The following DNAJC17 variants were observed in gnomAD, a reference collection of about 807,000 sequenced individuals.
The protein encoded by DNAJC17 is DnaJ heat shock protein family (Hsp40) member C17, also known as dnaJ homolog subfamily C member 17.
DNAJC17 carries 35 observed loss-of-function variants against 48.1 expected under a neutral mutation model. That is an observed-to-expected ratio of 0.73 (90% CI 0.56 to 0.96). DNAJC17 has a LOEUF of 0.96. Ranked by LOEUF, DNAJC17 falls within the 50% of genes least tolerant of loss-of-function variation. The pLI is 0.00. For synonymous variants in DNAJC17, 117 were observed against 142.7 expected (o/e 0.82, Z 1.28); for missense variants, 355 against 377.1 (o/e 0.94, Z 0.48).
intron 1 of DNAJC17, among the ~76,000 whole-genome samples, chr15:40,803,980 CTTTTT>C (rs1566832446): frequency 9.3e-6 from 1 of 107,548 alleles, no homozygotes; most frequent in Non-Finnish European, 1.9e-5. Flanking sequence ...ATTTTCTTTT[CTTTTT>C]TAAGAGTGGC....
chr15:40,799,677 C>T (rs1469320383), intron 1 of DNAJC17, among the ~76,000 whole-genome samples: 4 of 152,014 alleles, frequency 2.6e-5, no homozygotes, highest in Admixed American at 2.0e-4. Context: ...GATCATATTA[C>T]TTCTATATTT....
intron 8 of DNAJC17, among the ~76,000 whole-genome samples, 175 bp from the exon 9 acceptor site, chr15:40,774,611 A>AT (rs1280758583): frequency 2.0e-5 from 3 of 152,234 alleles, no homozygotes; most frequent in Admixed American, 1.3e-4. Flanking sequence ...AAAGAAAGAA[A>AT]TTTTTTTCTA....
Position 40,767,761 on chromosome 15 carries a change from G to T in DNAJC17, c.*179C>A, listed in dbSNP as rs1888984984. The stretch of plus-strand genomic sequence containing the variant: ...GACTCTGGGACTCTCACCCTGCGGA[G>T]CGTTTCCCTGGGGGTCTGCCCACTT... On this transcript the variant is annotated 3_prime_UTR_variant, in exon 11 of 11. Transcript: ENST00000220496. 2 of 842,316 alleles carry T rather than the reference G, an allele frequency of 2.4e-6. No individual in the cohort carries two copies. The highest frequency in any genetic ancestry group is 3.5e-6 in the Non-Finnish European group (2 of 564,396). 52.2% of individuals were successfully genotyped at this position (842,316 alleles called of 1,614,324 possible). A position where few individuals can be genotyped will look rare whatever the true frequency, so the allele number is the denominator to read the frequency against.
chr15:40,801,403 T>A (rs1044436613), intron 1 of DNAJC17, among the ~76,000 whole-genome samples: 2 of 152,180 alleles, frequency 1.3e-5, no homozygotes, highest in Non-Finnish European at 2.9e-5. Context: ...GCAACCCAGA[T>A]TAGCAGAAGG....
chr15:40,767,464 G>C lies in DNAJC17; in HGVS notation c.*476C>G. Reference sequence around the variant, plus strand: ...GCTCCTCTCTTCCCAAATCATCACCGCCATGGGCCCAGCCCCAAAGGGCAG... The same window carrying C: ...GCTCCTCTCTTCCCAAATCATCACCCCCATGGGCCCAGCCCCAAAGGGCAG... On this transcript the variant is annotated 3_prime_UTR_variant, in exon 11 of 11. Coordinates refer to ENST00000220496, the MANE Select transcript of DNAJC17 (RefSeq NM_018163.3). 1 of 1,223,522 alleles carries C rather than the reference G, an allele frequency of 8.2e-7. No individual in the cohort carries two copies. Among genetic ancestry groups the C allele is most frequent in the Non-Finnish European group, 1.1e-6 (1 of 897,412 alleles). The allele number at this position is 1,223,522 out of a possible 1,614,324, so 75.8% of individuals were successfully genotyped here.
chr15:40,805,689 G>A (rs1445567349), intron 1 of DNAJC17, among the ~76,000 whole-genome samples: 1 of 151,682 alleles, frequency 6.6e-6, no homozygotes, highest in African/African-American at 2.4e-5. Context: ...TATTAGCCGG[G>A]CATGGTGGCA....
intron 1 of DNAJC17, among the ~76,000 whole-genome samples, chr15:40,806,797 C>T (rs991506307): frequency 6.6e-6 from 1 of 152,224 alleles, no homozygotes; most frequent in Non-Finnish European, 1.5e-5. Context: ...TCTGATCCTC[C>T]TGCTTTTAGC....
Position 40,770,652 on chromosome 15 carries a change from C to A in DNAJC17, c.793-2590G>T, listed in dbSNP as rs575772446. On this transcript the variant is annotated intron_variant, in intron 10 of 10. Transcript: ENST00000220496. The surrounding 1 kb of genome is among the most constrained non-coding windows in gnomAD (Gnocchi z 5.0). ...GGAGTACAGCAACCGAGAAGTCATC[C>A]GGGAGCTACAAGGGAGGCCAGATGG... The A allele has an allele frequency of 6.5e-7, 1 of 1,549,932 alleles. No homozygotes were observed. The highest frequency in any genetic ancestry group is 2.0e-5 in the Admixed American group (1 of 51,000).
At position 40,773,748 on chromosome 15, in the gene DNAJC17, G is replaced by A. The variant is rs748892758; in HGVS notation, c.771C>T (p.Arg257=). Residue 257 remains arginine (R), a synonymous_variant, in exon 10 of 11, where the codon CGC becomes CGT. Coordinates refer to ENST00000220496, the MANE Select transcript of DNAJC17 (RefSeq NM_018163.3). ...TCACCTTTGACAGTCCTGAGTGGCTGCGGCCCACGGCATCCTGGGGCTGTC... is the reference window on the plus strand; with the variant it reads ...TCACCTTTGACAGTCCTGAGTGGCTACGGCCCACGGCATCCTGGGGCTGTC... ...LEGQPQDAVG[R]SHSGLSKGSV... 4 of 1,613,842 alleles carry A rather than the reference G, an allele frequency of 2.5e-6. No individual in the cohort carries two copies. Among genetic ancestry groups the A allele is most frequent in the Non-Finnish European group, 3.4e-6 (4 of 1,179,934 alleles).
At chr15:40,799,522 G>A (rs138064388) in intron 1 of DNAJC17, among the ~76,000 whole-genome samples, 19 of 152,284 alleles carry the variant, frequency 1.2e-4, no homozygotes, top group Non-Finnish European at 2.4e-4. Context: ...GTACAGAAAG[G>A]CAGAGTTGAA....
At chr15:40,774,145 C>A (rs145662301) in intron 9 of DNAJC17, 23 of 623,570 alleles carry the variant, frequency 3.7e-5, no homozygotes, top group Non-Finnish European at 4.8e-5. Flanking sequence ...TCTGTGCTCT[C>A]CTTTCTCCCC....
chr15:40,798,661 A>C (rs946696430), intron 1 of DNAJC17, among the ~76,000 whole-genome samples: 9 of 152,184 alleles, frequency 5.9e-5, no homozygotes, highest in Non-Finnish European at 1.2e-4. Flanking sequence ...TTCAGATTTC[A>C]TTCTAAGACT....
At chr15:40,792,625 G>A (rs1889835533) in intron 1 of DNAJC17, 1 of 528,522 alleles carries the variant, frequency 1.9e-6, no homozygotes, top group Middle Eastern at 9.8e-4. Flanking sequence ...GACCAGCCTG[G>A]GCAACATAGG....
intron 1 of DNAJC17, among the ~76,000 whole-genome samples, chr15:40,795,893 A>G (rs1566829763): frequency 6.6e-6 from 1 of 152,218 alleles, no homozygotes; most frequent in African/African-American, 2.4e-5. Context: ...CTCTGTCTCA[A>G]AAAATAAAAT....
At chr15:40,792,895 C>CTTTT (rs563611021) in intron 1 of DNAJC17, among the ~76,000 whole-genome samples, 18 of 126,262 alleles carry the variant, frequency 1.4e-4, no homozygotes, top group African/African-American at 2.8e-4. Flanking sequence ...AAGATCCCTT[C>CTTTT]TTTTTTTTTT....
At chr15:40,804,533 C>G (rs1890153569) in intron 1 of DNAJC17, among the ~76,000 whole-genome samples, 1 of 152,096 alleles carries the variant, frequency 6.6e-6, no homozygotes, top group Admixed American at 6.6e-5. Flanking sequence ...GAAGTCGAGG[C>G]TGCAGTGAGC....
chr15:40,776,412 G>A, intron 5 of DNAJC17, 120 bp from the exon 6 acceptor site: 1 of 1,456,088 alleles, frequency 6.9e-7, no homozygotes, highest in Non-Finnish European at 9.6e-7. Flanking sequence ...CTGTGGGTGG[G>A]ACAAATCACC....
chr15:40,777,344 T>G (rs1889357875), intron 4 of DNAJC17, among the ~76,000 whole-genome samples: 1 of 147,852 alleles, frequency 6.8e-6, no homozygotes, highest in Non-Finnish European at 1.5e-5. Flanking sequence ...AATATAGAAA[T>G]AGATATTGGG....
At chr15:40,771,203 A>AC in intron 10 of DNAJC17, 1 of 661,594 alleles carries the variant, frequency 1.5e-6, no homozygotes, top group South Asian at 2.0e-5. Context: ...TGGGTCCTGG[A>AC]CAGTCCTTCC....
Sources: gnomAD v4.1 joint callset for allele counts (sites outside exome capture counted in the v4.1 genomes callset) on GRCh38, gnomAD v4.1.1 for gene constraint, Gnocchi (gnomAD v3.1) non-coding constraint, MANE v1.5 for transcripts, NCBI Gene and HGNC (gene_info 2026-07-23, HGNC 2026-07-21) for gene names.